TMEM135: variants seen among roughly 807,000 people sequenced by gnomAD.
TMEM135 encodes peroxisomal membrane protein 52.
Under a neutral mutation model 60.3 loss-of-function variants are expected in TMEM135, and 30 were observed. That is an observed-to-expected ratio of 0.50 (90% CI 0.37 to 0.68). The LOEUF (loss-of-function observed/expected upper bound fraction) is 0.68, where lower values mean the gene tolerates loss of function less well. Ranked by LOEUF, TMEM135 falls within the 30% of genes least tolerant of loss-of-function variation. The pLI, the probability that TMEM135 is intolerant of heterozygous loss-of-function variation, is 0.00. For missense variants in TMEM135, 468 were observed against 548.8 expected (o/e 0.85, Z 1.47); for synonymous variants, 190 against 186.7 (o/e 1.02, Z -0.14).
chr11:87,056,832 A>C (rs527321960), intron 1 of TMEM135, among the ~76,000 whole-genome samples: 13 of 152,352 alleles, frequency 8.5e-5, no homozygotes, highest in Admixed American at 5.9e-4. Flanking sequence ...CTTATTGGAG[A>C]GACTGGAACA....
chr11:87,167,099 G>A (rs116168102), intron 5 of TMEM135, among the ~76,000 whole-genome samples: 5,795 of 151,876 alleles, frequency 0.038, 339 homozygotes, highest in African/African-American at 0.13. Flanking sequence ...AAGATTTGGC[G>A]TTCTCTTTGT....
intron 3 of TMEM135, among the ~76,000 whole-genome samples, chr11:87,072,702 G>A (rs1856793714): frequency 1.3e-5 from 2 of 151,946 alleles, no homozygotes; most frequent in Admixed American, 1.3e-4. Context: ...AAGACATCTT[G>A]TATTTAAAAA....
intron 4 of TMEM135, among the ~76,000 whole-genome samples, chr11:87,148,250 G>A (rs1034703766): frequency 6.6e-6 from 1 of 152,166 alleles, no homozygotes; most frequent in Non-Finnish European, 1.5e-5. Context: ...TTTGACCCTT[G>A]TTAGTAGTTC....
chr11:87,322,756 C>T lies in TMEM135; in HGVS notation c.*1423C>T. ...TACTTCTGCTTAAATGTAATTCAAT[C>T]CTTGGTTGTTATGGCAAACAGAAAC... On this transcript the variant is annotated 3_prime_UTR_variant, in exon 15 of 15. Coordinates refer to ENST00000305494, the MANE Select transcript of TMEM135 (RefSeq NM_022918.4). 1 of 454,088 alleles carries T rather than the reference C, an allele frequency of 2.2e-6. No individual in the cohort carries two copies. Among genetic ancestry groups the T allele is most frequent in the South Asian group, 1.6e-5 (1 of 64,450 alleles). The allele number at this position is 454,088 out of a possible 1,614,324, so 28.1% of individuals were successfully genotyped here.
chr11:87,209,341 A>G (rs897416116), intron 5 of TMEM135, among the ~76,000 whole-genome samples: 11 of 152,186 alleles, frequency 7.2e-5, no homozygotes, highest in African/African-American at 1.9e-4. Flanking sequence ...GGCACAAAAT[A>G]AAGAGATGGA....
intron 6 of TMEM135, among the ~76,000 whole-genome samples, chr11:87,250,615 G>C (rs518557): frequency 6.6e-6 from 1 of 151,664 alleles, no homozygotes; most frequent in African/African-American, 2.4e-5. Flanking sequence ...ATTTTTTTCC[G>C]TTCTGGTCAG....
At chr11:87,145,594 T>C (rs539766129) in intron 4 of TMEM135, among the ~76,000 whole-genome samples, 35 of 152,292 alleles carry the variant, frequency 2.3e-4, no homozygotes, top group African/African-American at 8.2e-4. Flanking sequence ...CCAACACTTA[T>C]CTTTCATCTT....
chr11:87,165,626 T>C (rs897924923), intron 5 of TMEM135, among the ~76,000 whole-genome samples: 5 of 151,050 alleles, frequency 3.3e-5, no homozygotes, highest in African/African-American at 9.8e-5. Flanking sequence ...TACCAGTTCC[T>C]CCTTGTACCT....
At chr11:87,058,744 C>T (rs559474360) in intron 1 of TMEM135, among the ~76,000 whole-genome samples, 80 of 152,010 alleles carry the variant, frequency 5.3e-4, no homozygotes, top group Non-Finnish European at 9.1e-4. Flanking sequence ...CTCAGCCTCC[C>T]GAGTAGCTGG....
intron 4 of TMEM135, among the ~76,000 whole-genome samples, chr11:87,124,145 T>C (rs529670967): frequency 1.2e-4 from 19 of 152,344 alleles, no homozygotes; most frequent in African/African-American, 4.1e-4. Flanking sequence ...TCTAATTTAG[T>C]TGCTTTGGCT....
At chr11:87,073,678 T>A (rs187341496) in intron 3 of TMEM135, among the ~76,000 whole-genome samples, 7 of 152,218 alleles carry the variant, frequency 4.6e-5, no homozygotes, top group South Asian at 2.1e-4. Flanking sequence ...TTTTATTTTT[T>A]TTTTTTTGAG....
At chr11:87,316,130 CA>C (rs1342144936) in intron 12 of TMEM135, among the ~76,000 whole-genome samples, 1 of 151,978 alleles carries the variant, frequency 6.6e-6, no homozygotes. Flanking sequence ...TTGGCTTTCG[CA>C]GTGAATGGAG....
At chr11:87,088,621 C>T (rs1414037324) in intron 3 of TMEM135, among the ~76,000 whole-genome samples, 4 of 152,172 alleles carry the variant, frequency 2.6e-5, no homozygotes, top group African/African-American at 9.7e-5. Context: ...TCGGTCTATT[C>T]AGTTAACTCT....
intron 5 of TMEM135, among the ~76,000 whole-genome samples, chr11:87,175,905 G>C (rs1357993408): frequency 1.3e-5 from 2 of 152,068 alleles, no homozygotes; most frequent in African/African-American, 4.8e-5. Flanking sequence ...AAAGAATTTT[G>C]CATATAATAT....
At chr11:87,312,618 A>G (rs1942659409) in intron 10 of TMEM135, among the ~76,000 whole-genome samples, 1 of 151,934 alleles carries the variant, frequency 6.6e-6, no homozygotes, top group Non-Finnish European at 1.5e-5. Context: ...ATAAATGAAC[A>G]AGTGTGGCTG....
At chr11:87,054,095 A>G (rs1834397884) in intron 1 of TMEM135, among the ~76,000 whole-genome samples, 1 of 152,250 alleles carries the variant, frequency 6.6e-6, no homozygotes, top group African/African-American at 2.4e-5. Flanking sequence ...AATAACTGAA[A>G]TAAATTAAAG....
intron 6 of TMEM135, among the ~76,000 whole-genome samples, chr11:87,247,504 C>T (rs980725735): frequency 4.6e-5 from 7 of 152,210 alleles, no homozygotes; most frequent in South Asian, 2.1e-4. Flanking sequence ...GTGGTGGGCT[C>T]CACCCAGTTC....
At chr11:87,299,089 C>CA (rs571107346) in intron 7 of TMEM135, among the ~76,000 whole-genome samples, 37 of 151,500 alleles carry the variant, frequency 2.4e-4, no homozygotes, top group South Asian at 6.3e-4. Context: ...AACTCCATCT[C>CA]AAAAAAAACA....
intron 4 of TMEM135, among the ~76,000 whole-genome samples, chr11:87,107,328 A>T (rs1477086160): frequency 6.6e-6 from 1 of 151,992 alleles, no homozygotes; most frequent in Non-Finnish European, 1.5e-5. Context: ...GGTTTGTTAC[A>T]TATGTATACA....
Sources: gnomAD v4.1 joint callset for allele counts (sites outside exome capture counted in the v4.1 genomes callset) on GRCh38, gnomAD v4.1.1 for gene constraint, MANE v1.5 for transcripts, NCBI Gene and HGNC (gene_info 2026-07-23, HGNC 2026-07-21) for gene names.